Variants in SLC25A27 observed in about 807,000 individuals in gnomAD.
The protein encoded by SLC25A27 is mitochondrial uncoupling protein 4.
SLC25A27 carries 35 observed loss-of-function variants against 49.1 expected under a neutral mutation model. The observed-to-expected ratio is 0.71, with a 90% confidence interval of 0.54 to 0.95. The LOEUF is 0.95. SLC25A27 is among the 40% of genes least tolerant of loss of function. SLC25A27 has a pLI of 0.00. For missense variants in SLC25A27, 339 were observed against 397.1 expected (o/e 0.85, Z 1.24); for synonymous variants, 144 against 136.9 (o/e 1.05, Z -0.36).
chr6:46,673,737 C>A (rs1189386970), intron 8 of SLC25A27, among the ~76,000 whole-genome samples: 2 of 152,086 alleles, frequency 1.3e-5, no homozygotes, highest in Non-Finnish European at 2.9e-5. Context: ...TGGGAAGAAC[C>A]TTGTGGGCCA....
rs1762806864 is a variant in SLC25A27, at chr6:46,653,051, C to T, written c.-142C>T. Reference sequence around the variant, plus strand: ...CTGCTAGGAAGGTTGCGGGTCCACCCGGCCGAGCCGAACGAGGGAAATGGT... The same window carrying T: ...CTGCTAGGAAGGTTGCGGGTCCACCTGGCCGAGCCGAACGAGGGAAATGGT... On this transcript the variant is annotated 5_prime_UTR_variant, in exon 1 of 9. Transcript: ENST00000371347. 3 of 767,654 alleles carry T rather than the reference C, an allele frequency of 3.9e-6. No individual in the cohort carries two copies. The highest frequency in any genetic ancestry group is 2.7e-5 in the East Asian group (1 of 37,198). 47.6% of individuals were successfully genotyped at this position (767,654 alleles called of 1,614,324 possible).
rs1465443204 is a variant in SLC25A27 at position 46,676,442 on chromosome 6, C to A, written c.960C>A (p.Val320=). 6.2e-7 allele frequency: 1 copy of A among 1,613,898 alleles called. No individual in the cohort carries two copies. The highest frequency in any genetic ancestry group is 1.3e-5 in the African/African-American group (1 of 75,024). ...AAAAAATCAGAGAGATGAGTGGAGTCAGTCCATTTTAAACCCCTAAAGATG... is the reference window on the plus strand; with the variant it reads ...AAAAAATCAGAGAGATGAGTGGAGTAAGTCCATTTTAAACCCCTAAAGATG... ...TYEKIREMSG[V]SPF The change falls in exon 9 of 9, where the codon GTC becomes GTA. Residue 320 remains valine (V), a synonymous_variant. Coordinates refer to ENST00000371347, the MANE Select transcript of SLC25A27 (RefSeq NM_004277.5).
intron 4 of SLC25A27, 93 bp from the exon 5 acceptor site, chr6:46,664,681 C>T (rs1451882898): frequency 5.6e-6 from 3 of 533,446 alleles, no homozygotes; most frequent in Non-Finnish European, 9.6e-6. Context: ...GTTATTTACT[C>T]CAGATTATAA....
rs1190976427 is a variant in SLC25A27, at chr6:46,676,506, T to C, written c.*52T>C. 3 of 1,612,030 alleles carry C rather than the reference T, an allele frequency of 1.9e-6. No individual in the cohort carries two copies. The highest frequency in any genetic ancestry group is 2.5e-6 in the Non-Finnish European group (3 of 1,178,576). ...TACAGTGTTCAGTATTATTGAAATA[T>C]GGGCATCTGCAACACATACCCCCTA... On this transcript the variant is annotated 3_prime_UTR_variant, in exon 9 of 9. Coordinates refer to ENST00000371347, the MANE Select transcript of SLC25A27 (RefSeq NM_004277.5).
chr6:46,655,673 TGGGCACG>T lies in SLC25A27; in HGVS notation c.107-165_107-159del, dbSNP rs1762955539. Among the ~76,000 whole-genome samples the T allele has an allele frequency of 2.6e-5, 4 of 151,272 alleles. No individual in the cohort carries two copies. In the South Asian group the frequency reaches 8.4e-4, roughly 32 times the overall value. On this transcript the variant is annotated intron_variant, in intron 1 of 8. Coordinates refer to ENST00000371347, the MANE Select transcript of SLC25A27 (RefSeq NM_004277.5). ...CTTCAACCTACTGAATTAGAATCCA[TGGGCACG>T]GGGCTAGGAAATTTCTAATTTTTAA...
intron 8 of SLC25A27, among the ~76,000 whole-genome samples, chr6:46,674,533 A>G (rs1382888752): frequency 4.6e-5 from 7 of 152,226 alleles, no homozygotes; most frequent in South Asian, 2.1e-4. Context: ...AAAGATCACC[A>G]GAAAGTCACT....
At chr6:46,668,662 G>A (rs1763403178) in intron 5 of SLC25A27, 47 bp from the exon 6 acceptor site, 1 of 1,069,590 alleles carries the variant, frequency 9.3e-7, no homozygotes. Flanking sequence ...TGACACAAAA[G>A]ACATTCACTG....
rs773680687 is a variant in SLC25A27, at chr6:46,653,203, C to T, written c.11C>T (p.Pro4Leu). MSV[P>L]EEEERLLPLT... is the part of the protein sequence containing the mutation. ...TTGCGCTACTGCTGAATGTCCGTCCCGGAGGAGGAGGAGAGGCTTTTGCCG... is the reference window on the plus strand; with the variant it reads ...TTGCGCTACTGCTGAATGTCCGTCCTGGAGGAGGAGGAGAGGCTTTTGCCG... The change falls in exon 1 of 9, where the codon CCG becomes CTG. Residue 4 changes from proline to leucine, a missense_variant. Transcript: ENST00000371347. 6.2e-6 allele frequency: 10 copies of T among 1,613,312 alleles called. No homozygotes were observed. The highest frequency in any genetic ancestry group is 3.3e-5 in the South Asian group (3 of 90,990).
At chr6:46,668,966 GAGAC>G (rs1392004167) in intron 6 of SLC25A27, among the ~76,000 whole-genome samples, 173 bp downstream of exon 6, 1 of 152,170 alleles carries the variant, frequency 6.6e-6, no homozygotes, top group Admixed American at 6.5e-5. Flanking sequence ...GAATGGGGAA[GAGAC>G]AGACAAAGTT....
intron 6 of SLC25A27, among the ~76,000 whole-genome samples, chr6:46,669,142 G>A (rs1185187154): frequency 6.6e-6 from 1 of 152,002 alleles, no homozygotes; most frequent in Non-Finnish European, 1.5e-5. Context: ...GCACCAAAGG[G>A]GTAAACTCAA....
Position 46,653,036 on chromosome 6 carries a change from G to C in SLC25A27, c.-157G>C. ...CCACTCCAGCTGGGACTGCTAGGAA[G>C]GTTGCGGGTCCACCCGGCCGAGCCG... On this transcript the variant is annotated 5_prime_UTR_variant, in exon 1 of 9. Coordinates refer to ENST00000371347, the MANE Select transcript of SLC25A27 (RefSeq NM_004277.5). The C allele has an allele frequency of 1.5e-6, 1 of 671,842 alleles. No individual in the cohort carries two copies. Among genetic ancestry groups the C allele is most frequent in the South Asian group, 1.8e-5 (1 of 55,736 alleles). The allele number at this position is 671,842 out of a possible 1,614,324, so 41.6% of individuals were successfully genotyped here.
intron 3 of SLC25A27, among the ~76,000 whole-genome samples, chr6:46,659,948 C>T (rs184896038): frequency 9.0e-4 from 137 of 151,780 alleles, no homozygotes; most frequent in Non-Finnish European, 1.4e-3. Flanking sequence ...TGCCATCTAA[C>T]TCGTCTCCTC....
chr6:46,664,386 A>G (rs1196850904), intron 4 of SLC25A27, among the ~76,000 whole-genome samples: 3 of 152,156 alleles, frequency 2.0e-5, no homozygotes, highest in Admixed American at 6.5e-5. Context: ...ATGAACTCTA[A>G]AAATTTGCAG....
Position 46,676,373 on chromosome 6 carries a change from A to C in SLC25A27, c.901-10A>C. ...GAAATATGCACTAACTTCTTTGGTT[A>C]ATCTTTCAGACCCCTTGGTCAATGG... is the stretch of plus-strand genomic sequence containing the variant. On this transcript the variant is annotated splice_polypyrimidine_tract_variant and intron_variant, in intron 8 of 8. Transcript: ENST00000371347. 1.2e-6 allele frequency: 2 copies of C among 1,612,980 alleles called. No homozygotes were observed. Among genetic ancestry groups the C allele is most frequent in the Non-Finnish European group, 1.7e-6 (2 of 1,179,194 alleles).
At chr6:46,658,883 T>C in intron 2 of SLC25A27, 79 bp from the exon 3 acceptor site, 1 of 984,726 alleles carries the variant, frequency 1.0e-6, no homozygotes, top group Non-Finnish European at 1.6e-6. Flanking sequence ...CATGTCGGAA[T>C]GTCCTCTTAT....
In SLC25A27 at chr6:46,653,310, C is replaced by T. The variant is rs763793109; in HGVS notation, c.106+12C>T. 1.2e-5 allele frequency: 19 copies of T among 1,607,800 alleles called. No homozygotes were observed. The South Asian group carries it at 1.9e-4, about 16-fold the overall frequency. On this transcript the variant is annotated intron_variant, in intron 1 of 8. Coordinates refer to ENST00000371347, the MANE Select transcript of SLC25A27 (RefSeq NM_004277.5). ...CGTGGCCGAGCTAGGTACCCGGCTG[C>T]CCACGCCTGGGCCTCCCGGGCCAGT...
At chr6:46,658,658 A>G in intron 2 of SLC25A27, 1 of 406,682 alleles carries the variant, frequency 2.5e-6, no homozygotes, top group East Asian at 5.7e-5. Context: ...GTCAGAGAGC[A>G]GTTTCTGAAA....
At chr6:46,654,447 G>A (rs1562032879) in intron 1 of SLC25A27, among the ~76,000 whole-genome samples, 1 of 152,086 alleles carries the variant, frequency 6.6e-6, no homozygotes, top group Non-Finnish European at 1.5e-5. Flanking sequence ...AGCTTAAAAA[G>A]ATCTAAAAGC....
At chr6:46,655,340 A>G (rs960179374) in intron 1 of SLC25A27, among the ~76,000 whole-genome samples, 4 of 152,182 alleles carry the variant, frequency 2.6e-5, no homozygotes, top group Admixed American at 6.5e-5. Flanking sequence ...GTACATAAGA[A>G]TATATAGTGC....
Sources: allele counts gnomAD v4.1 joint callset (sites outside exome capture counted in the v4.1 genomes callset), GRCh38; gene constraint gnomAD v4.1.1; transcripts MANE v1.5; gene names NCBI Gene and HGNC (gene_info 2026-07-23, HGNC 2026-07-21).